The following TMPRSS9 variants were observed in gnomAD, a reference collection of about 807,000 sequenced individuals.
The protein encoded by TMPRSS9 is transmembrane serine protease 9.
TMPRSS9 carries 113 observed loss-of-function variants against 111.4 expected under a neutral mutation model. That is an observed-to-expected ratio of 1.01 (90% CI 0.87 to 1.19). The LOEUF is 1.19. Among genes scored for constraint, TMPRSS9 ranks in the 50% most tolerant of loss-of-function variants. The pLI is 0.00. For missense variants in TMPRSS9, 1,803 were observed against 1,513.1 expected (o/e 1.19, Z -3.18); for synonymous variants, 805 against 659.1 (o/e 1.22, Z -3.39).
At chr19:2,393,708 G>A (rs752327367) in intron 1 of TMPRSS9, among the ~76,000 whole-genome samples, 1 of 151,994 alleles carries the variant, frequency 6.6e-6, no homozygotes, top group Non-Finnish European at 1.5e-5. Context: ...GACCAGCCTG[G>A]CCAACATGGG....
chr19:2,405,947 T>C (rs1380942327), intron 7 of TMPRSS9, among the ~76,000 whole-genome samples: 8 of 150,936 alleles, frequency 5.3e-5, no homozygotes, highest in Admixed American at 4.6e-4. Context: ...CTGCCTGCCT[T>C]GGCCTCCCAA....
intron 1 of TMPRSS9, among the ~76,000 whole-genome samples, chr19:2,376,185 T>C (rs1970332399): frequency 6.6e-6 from 1 of 152,112 alleles, no homozygotes; most frequent in African/African-American, 2.4e-5. Context: ...CATCCCTTGC[T>C]CGGGGCCCCT....
chr19:2,396,544 C>G lies in TMPRSS9; in HGVS notation c.148C>G (p.Leu50Val), dbSNP rs762364784. 5.0e-6 allele frequency: 8 copies of G among 1,605,546 alleles called. No homozygotes were observed. In the South Asian group the frequency reaches 6.7e-5, roughly 13 times the overall value. ...GGCCCTGGTCTCGTCCCCAGCCTTC[C>G]TCTCTACACAGGGCTTCCACGTGGA... Residue 50 changes from leucine to valine, a missense_variant, in exon 2 of 18, where the codon CTC (leucine) becomes GTC (valine). By Grantham distance (32) the Leu-to-Val change is conservative. Transcript: ENST00000648592.
chr19:2,399,144 C>T (rs1354101355), exon 4 of TMPRSS9: 8 of 1,612,876 alleles, frequency 5.0e-6, no homozygotes, highest in East Asian at 2.2e-5. Flanking sequence ...TGCGGGAGCA[C>T]GGCATCTCCC....
At chr19:2,390,071 C>T (rs1382689693) in intron 1 of TMPRSS9, 144 bp downstream of exon 2, 18 of 1,022,226 alleles carry the variant, frequency 1.8e-5, no homozygotes, top group African/African-American at 9.7e-5. Flanking sequence ...CTAGGCCAGG[C>T]GGGTGGGCGG....
chr19:2,425,315 G>A lies in TMPRSS9; in HGVS notation c.2984-42G>A, dbSNP rs754494226. ...TGGTGCGGGGCTCGGGGGGCGGCCGGACGCGGTCCCCACCCGCCCCGTCTC... is the reference window on the plus strand; with the variant it reads ...TGGTGCGGGGCTCGGGGGGCGGCCGAACGCGGTCCCCACCCGCCCCGTCTC... On this transcript the variant is annotated intron_variant, in intron 16 of 17. Transcript: ENST00000648592. 7.8e-3 allele frequency: 9,821 copies of A among 1,266,466 alleles called. 60 individuals are homozygous for A. Among genetic ancestry groups the A allele is most frequent in the Non-Finnish European group, 8.8e-3 (8,780 of 1,001,922 alleles). The allele number at this position is 1,266,466 out of a possible 1,614,324, so 78.5% of individuals were successfully genotyped here. A position where few individuals can be genotyped will look rare whatever the true frequency, so the allele number is the denominator to read the frequency against.
At chr19:2,365,883 CA>C (rs1475999327) in intron 1 of TMPRSS9, among the ~76,000 whole-genome samples, 2 of 151,574 alleles carry the variant, frequency 1.3e-5, no homozygotes, top group Non-Finnish European at 2.9e-5. Flanking sequence ...AGGATTGCTT[CA>C]ACCCAGGAGT....
At chr19:2,402,466 G>A (rs181113389) in intron 5 of TMPRSS9, among the ~76,000 whole-genome samples, 238 of 151,880 alleles carry the variant, frequency 1.6e-3, no homozygotes, top group African/African-American at 5.4e-3. Flanking sequence ...AAGGCCGGGC[G>A]CACTGGCTCA....
chr19:2,413,763 G>A (rs766233972), exon 10 of TMPRSS9: 11 of 1,613,714 alleles, frequency 6.8e-6, no homozygotes, highest in Admixed American at 1.7e-5. Flanking sequence ...GGCTGGCATC[G>A]TGAGCTGGGG....
At chr19:2,389,631 G>C, upstream of TMPRSS9, 1 of 860,002 alleles carries the variant, frequency 1.2e-6, no homozygotes, top group Non-Finnish European at 1.7e-6. Flanking sequence ...GCCTCCCAAA[G>C]TGCTGGGATG....
chr19:2,412,444 C>T (rs990293860), intron 9 of TMPRSS9, among the ~76,000 whole-genome samples: 2 of 152,026 alleles, frequency 1.3e-5, no homozygotes, highest in African/African-American at 2.4e-5. Context: ...CAATTCTTGC[C>T]GTGATCTTAT....
At chr19:2,419,732 G>A (rs865783620) in intron 13 of TMPRSS9, among the ~76,000 whole-genome samples, 2 of 151,928 alleles carry the variant, frequency 1.3e-5, no homozygotes, top group Middle Eastern at 3.2e-3. Context: ...GGCCAGGCTG[G>A]TCTCGAACTC....
At chr19:2,398,838 T>C in exon 3 of TMPRSS9, 1 of 1,507,344 alleles carries the variant, frequency 6.6e-7, no homozygotes, top group Non-Finnish European at 8.9e-7. Context: ...GCAAGCTGCG[T>C]GGGTTGCTCG....
intron 1 of TMPRSS9, among the ~76,000 whole-genome samples, chr19:2,392,019 G>T (rs973575479): frequency 1.3e-5 from 2 of 151,912 alleles, no homozygotes; most frequent in African/African-American, 4.8e-5. Context: ...TGGGATTACA[G>T]ACATGAGCCA....
rs1211985495 is a variant in TMPRSS9, at chr19:2,416,817, C to T, written c.2017+8C>T. 2 of 1,598,896 alleles carry T rather than the reference C, an allele frequency of 1.3e-6. No individual in the cohort carries two copies. Among genetic ancestry groups the T allele is most frequent in the African/African-American group, 2.7e-5 (2 of 74,758 alleles). ...ATACGCAGGAAGGAAATGGTGAGCG[C>T]TGCCCCATCGAGGGGAACGGTGGAT... On this transcript the variant is annotated splice_region_variant and intron_variant, in intron 12 of 17. Transcript: ENST00000648592.
At chr19:2,420,572 G>A (rs572600457) in intron 13 of TMPRSS9, among the ~76,000 whole-genome samples, 1 of 152,128 alleles carries the variant, frequency 6.6e-6, no homozygotes, top group African/African-American at 2.4e-5. Flanking sequence ...TAAAAGGAAG[G>A]TGGTAAATAA....
intron 8 of TMPRSS9, 47 bp from the exon 10 acceptor site, chr19:2,410,211 C>T (rs1971064823): frequency 6.2e-7 from 1 of 1,605,320 alleles, no homozygotes; most frequent in Non-Finnish European, 8.5e-7. Flanking sequence ...AAGTGGCTGC[C>T]AGGGCTCCGG....
At position 2,426,034 on chromosome 19, in the gene TMPRSS9, C is replaced by G; in HGVS notation, c.3228C>G (p.Val1076=). Residue 1076 remains valine, a synonymous_variant, in exon 18 of 18, where the codon GTC becomes GTG. Coordinates refer to ENST00000648592, the Ensembl canonical transcript of TMPRSS9. The stretch of plus-strand genomic sequence containing the variant: ...GTGGCCGGCCCCACTTCCCAGGTGT[C>G]TATACCCGGGTGGCAGCTGTGAGAG... The G allele has an allele frequency of 1.9e-6, 3 of 1,609,242 alleles. 1 individual carries two copies. The South Asian group carries it at 3.3e-5, about 18-fold the overall frequency.
At position 2,425,192 on chromosome 19, in the gene TMPRSS9, C is replaced by G. The variant is rs1293006795; in HGVS notation, c.2908C>G (p.Leu970Val). 2.0e-6 allele frequency: 3 copies of G among 1,532,252 alleles called. No homozygotes were observed. Among genetic ancestry groups the G allele is most frequent in the South Asian group, 1.2e-5 (1 of 84,516 alleles). The allele number at this position is 1,532,252 out of a possible 1,614,324, so 94.9% of individuals were successfully genotyped here. Residue 970 changes from leucine to valine, a missense_variant, in exon 16 of 18, where the codon CTG (leucine) becomes GTG (valine). By Grantham distance (32) the Leu-to-Val change is conservative. Coordinates refer to ENST00000648592, the Ensembl canonical transcript of TMPRSS9. ...CAGCCGCCTGGTGCGTCCCATCTGC[C>G]TGCCCGAGCCCGCGCCGCGACCCCC...
Sources: allele counts gnomAD v4.1 joint callset (sites outside exome capture counted in the v4.1 genomes callset), GRCh38; gene constraint gnomAD v4.1.1; transcripts MANE v1.5; gene names NCBI Gene and HGNC (gene_info 2026-07-23, HGNC 2026-07-21).